DAB1: variants seen among roughly 807,000 people sequenced by gnomAD.
DAB1 encodes DAB adaptor protein 1.
A neutral mutation model predicts 64.6 loss-of-function variants in DAB1; 15 were observed. That is an observed-to-expected ratio of 0.23 (90% confidence interval 0.16 to 0.36). The LOEUF (loss-of-function observed/expected upper bound fraction) is 0.36, where lower values mean the gene tolerates loss of function less well. Ranked by LOEUF, DAB1 falls within the 10% of genes least tolerant of loss-of-function variation. The pLI, the probability that DAB1 is intolerant of heterozygous loss-of-function variation, is 1.00. For missense variants in DAB1, 596 were observed against 706.7 expected, an observed-to-expected ratio of 0.84 and a Z score of 1.78; for synonymous variants, 235 against 251.9, an observed-to-expected ratio of 0.93 and a Z score of 0.64.
At chr1:57,694,328 CAA>C (rs1222803733) in intron 6 of DAB1, among the ~76,000 whole-genome samples, 1 of 152,008 alleles carries the variant, frequency 6.6e-6, no homozygotes, top group Non-Finnish European at 1.5e-5. Context: ...AACTGGGAGT[CAA>C]GAGAGACTGG....
intron 5 of DAB1, among the ~76,000 whole-genome samples, chr1:58,119,022 G>T (rs914248798): frequency 6.6e-6 from 1 of 152,034 alleles, no homozygotes; most frequent in Admixed American, 6.6e-5. Flanking sequence ...CCATCAAACA[G>T]CTAAATTTCT....
At chr1:57,641,390 T>TGTTTTTTG (rs1558567748) in intron 7 of DAB1, among the ~76,000 whole-genome samples, 126 of 141,566 alleles carry the variant, frequency 8.9e-4, no homozygotes, top group African/African-American at 3.0e-3. Flanking sequence ...TTTTTTTTTT[T>TGTTTTTTG]TTTTTTTTTT....
intron 1 of DAB1, among the ~76,000 whole-genome samples, chr1:57,842,658 A>AG (rs34415587): frequency 6.6e-6 from 1 of 152,130 alleles, no homozygotes; most frequent in African/African-American, 2.4e-5. Context: ...AGGGCAAGCA[A>AG]GGGGGGGATG....
At chr1:57,183,006 A>G (rs1569795139) in intron 2 of DAB1, among the ~76,000 whole-genome samples, 1 of 152,210 alleles carries the variant, frequency 6.6e-6, no homozygotes, top group Admixed American at 6.5e-5. Context: ...GCCACACTGG[A>G]TAGCACTGAT....
At chr1:57,249,953 T>A (rs1420780269) in intron 2 of DAB1, among the ~76,000 whole-genome samples, 1 of 152,258 alleles carries the variant, frequency 6.6e-6, no homozygotes, top group Non-Finnish European at 1.5e-5. Context: ...GTTATAAATA[T>A]ACACAGGTTT....
intron 2 of DAB1, among the ~76,000 whole-genome samples, chr1:57,167,868 A>G (rs1470239832): frequency 1.3e-5 from 2 of 152,180 alleles, no homozygotes; most frequent in African/African-American, 4.8e-5. Flanking sequence ...AATTCTTAGC[A>G]TTGTTAAATC....
At chr1:57,008,026 C>T (rs1646142243) in intron 14 of DAB1, among the ~76,000 whole-genome samples, 1 of 152,218 alleles carries the variant, frequency 6.6e-6, no homozygotes, top group African/African-American at 2.4e-5. Flanking sequence ...TGCCCCTTGG[C>T]ACTTGAATCT....
At chr1:57,236,713 T>C (rs901286234) in intron 2 of DAB1, among the ~76,000 whole-genome samples, 3 of 152,166 alleles carry the variant, frequency 2.0e-5, no homozygotes, top group African/African-American at 7.2e-5. Context: ...TCTTGATATA[T>C]GAGAGTAGAA....
chr1:58,055,900 A>ATTT (rs1648035701), intron 5 of DAB1, among the ~76,000 whole-genome samples: 1 of 150,980 alleles, frequency 6.6e-6, no homozygotes, highest in Admixed American at 6.6e-5. Context: ...TATTATTATT[A>ATTT]TTATTATTTG....
intron 5 of DAB1, among the ~76,000 whole-genome samples, chr1:58,085,948 ATCTC>A (rs1277468226): frequency 4.6e-4 from 64 of 137,802 alleles, no homozygotes; most frequent in Non-Finnish European, 5.5e-4. Flanking sequence ...CTGTGGGCTG[ATCTC>A]TCTCTCTTTT....
intron 4 of DAB1, among the ~76,000 whole-genome samples, chr1:58,326,968 A>G (rs1005298943): frequency 2.6e-5 from 4 of 152,244 alleles, no homozygotes; most frequent in African/African-American, 4.8e-5. Context: ...CATGTGAACC[A>G]TGCTTTAAAG....
chr1:57,489,513 G>C (rs977257552), intron 7 of DAB1, among the ~76,000 whole-genome samples: 1 of 152,080 alleles, frequency 6.6e-6, no homozygotes, highest in Non-Finnish European at 1.5e-5. Context: ...GGCTGACTCC[G>C]TTTCTTCTCA....
intron 3 of DAB1, among the ~76,000 whole-genome samples, chr1:58,491,154 C>G (rs1645680983): frequency 6.6e-6 from 1 of 151,986 alleles, no homozygotes; most frequent in Non-Finnish European, 1.5e-5. Flanking sequence ...ATTTCATATC[C>G]AGCCAAACTA....
chr1:57,394,926 C>G (rs772074194), intron 1 of DAB1, among the ~76,000 whole-genome samples: 1 of 152,192 alleles, frequency 6.6e-6, no homozygotes, highest in Admixed American at 6.5e-5. Context: ...ATGGATGCAA[C>G]CCACTTTCTA....
chr1:57,393,674 A>C (rs1380268802), intron 1 of DAB1, among the ~76,000 whole-genome samples: 1 of 152,208 alleles, frequency 6.6e-6, no homozygotes, highest in Non-Finnish European at 1.5e-5. Flanking sequence ...AATGAAAATC[A>C]AAAGAAATAG....
intron 5 of DAB1, among the ~76,000 whole-genome samples, chr1:57,913,552 A>T (rs1644680198): frequency 6.6e-6 from 1 of 152,264 alleles, no homozygotes; most frequent in Non-Finnish European, 1.5e-5. Context: ...TTCATGTCTA[A>T]AACACCAAAA....
intron 1 of DAB1, among the ~76,000 whole-genome samples, chr1:57,370,538 A>G (rs1405598424): frequency 2.0e-5 from 3 of 152,038 alleles, no homozygotes; most frequent in Non-Finnish European, 4.4e-5. Context: ...TGAATCTGAT[A>G]TCTACTTTTA....
In DAB1 at chr1:58,534,246, T is replaced by C. The variant is rs139938730; in HGVS notation, n.33-6911A>G. ...GATCCCTGGAACATCTTTATTGCAT[T>C]CAATTAGATGACAAAGCACTTCTTT... On this transcript the variant is annotated intron_variant and non_coding_transcript_variant, in intron 1 of 20. Coordinates refer to the DAB1 transcript ENST00000485760. 1,454 of 871,882 alleles carry C rather than the reference T, an allele frequency of 1.7e-3. 3 individuals are homozygous for C. The highest frequency in any genetic ancestry group is 2.4e-3 in the Non-Finnish European group (1,195 of 501,508). 54.0% of individuals were successfully genotyped at this position (871,882 alleles called of 1,614,324 possible).
intron 4 of DAB1, among the ~76,000 whole-genome samples, chr1:58,153,570 T>C (rs1655063389): frequency 6.6e-6 from 1 of 152,092 alleles, no homozygotes; most frequent in Admixed American, 6.6e-5. Context: ...CATCAAAATG[T>C]GAAAAACTCT....
Sources: allele counts gnomAD v4.1 joint callset (sites outside exome capture counted in the v4.1 genomes callset), GRCh38; gene constraint gnomAD v4.1.1; transcripts MANE v1.5; gene names NCBI Gene and HGNC (gene_info 2026-07-23, HGNC 2026-07-21).